The following NTM variants were observed in gnomAD, a reference collection of about 807,000 sequenced individuals.
NTM encodes neurotrimin.
NTM carries 13 observed loss-of-function variants against 42.1 expected under a neutral mutation model. The observed-to-expected ratio is 0.31, with a 90% CI of 0.20 to 0.49. The LOEUF (loss-of-function observed/expected upper bound fraction) is 0.49. Among genes scored for constraint, NTM ranks in the 20% least tolerant of loss-of-function variants. The probability of loss-of-function intolerance (pLI) is 0.99; values close to 1 mark genes in which losing one functional copy is unlikely to be tolerated. For synonymous variants in NTM, 187 were observed against 179.2 expected (o/e 1.04, Z -0.35); for missense variants, 373 against 452.8 (o/e 0.82, Z 1.60).
intron 2 of NTM, among the ~76,000 whole-genome samples, chr11:132,074,846 G>T (rs1160760693): frequency 6.6e-6 from 1 of 152,126 alleles, no homozygotes; most frequent in African/African-American, 2.4e-5. Context: ...TTAGAAGGAG[G>T]ATATTGAATG....
At chr11:132,289,383 T>C (rs2094374277) in intron 4 of NTM, among the ~76,000 whole-genome samples, 1 of 152,246 alleles carries the variant, frequency 6.6e-6, no homozygotes, top group South Asian at 2.1e-4. Context: ...TTTGGTGTAC[T>C]GTCCTGGGTG....
chr11:131,778,842 C>T (rs1354437428), intron 1 of NTM, among the ~76,000 whole-genome samples: 4 of 152,194 alleles, frequency 2.6e-5, no homozygotes. Context: ...ACTACTTGAT[C>T]TTTGAGTGAA....
At chr11:131,622,540 C>T (rs2137669643) in intron 1 of NTM, among the ~76,000 whole-genome samples, 1 of 152,188 alleles carries the variant, frequency 6.6e-6, no homozygotes, top group East Asian at 1.9e-4. Flanking sequence ...CTAAATTGAC[C>T]AGATTATTAA....
At chr11:131,985,498 C>T (rs997586187) in intron 2 of NTM, among the ~76,000 whole-genome samples, 3 of 152,166 alleles carry the variant, frequency 2.0e-5, no homozygotes, top group East Asian at 3.9e-4. Flanking sequence ...AGTGCAACAC[C>T]GTGCTACTGG....
intron 1 of NTM, among the ~76,000 whole-genome samples, chr11:131,493,331 C>T (rs887517540): frequency 2.0e-5 from 3 of 152,078 alleles, no homozygotes; most frequent in Admixed American, 6.6e-5. Context: ...GATCATGGAA[C>T]CATACATTAA....
chr11:131,619,035 T>C (rs142842526), intron 1 of NTM, among the ~76,000 whole-genome samples: 1,644 of 152,282 alleles, frequency 0.011, 9 homozygotes, highest in Non-Finnish European at 0.017. Context: ...TCGAGAGGTA[T>C]GCGAAAACAA....
At chr11:131,415,816 T>C (rs935284932) in intron 1 of NTM, among the ~76,000 whole-genome samples, 1 of 152,234 alleles carries the variant, frequency 6.6e-6, no homozygotes, top group Admixed American at 6.5e-5. Flanking sequence ...CATTAATTTA[T>C]AATTTTCTTA....
intron 3 of NTM, among the ~76,000 whole-genome samples, chr11:132,189,617 C>G (rs192361444): frequency 1.3e-5 from 2 of 151,356 alleles, no homozygotes; most frequent in Admixed American, 1.3e-4. Context: ...AATATAGTTG[C>G]CTTGCCCACT....
At chr11:131,583,005 T>C (rs1276550405) in intron 1 of NTM, among the ~76,000 whole-genome samples, 1 of 152,244 alleles carries the variant, frequency 6.6e-6, no homozygotes, top group Non-Finnish European at 1.5e-5. Flanking sequence ...CTCCGAATGC[T>C]GCTTGGATCT....
At chr11:131,822,600 C>T (rs2093236960) in intron 1 of NTM, among the ~76,000 whole-genome samples, 1 of 152,122 alleles carries the variant, frequency 6.6e-6, no homozygotes. Context: ...CTTGAATCAG[C>T]AACTGATAAG....
intron 2 of NTM, among the ~76,000 whole-genome samples, chr11:131,945,181 C>A (rs540006151): frequency 6.6e-6 from 1 of 152,334 alleles, no homozygotes; most frequent in South Asian, 2.1e-4. Context: ...CAATTTTTAG[C>A]TATTTGTGTA....
At chr11:132,048,355 C>T (rs1028066417) in intron 2 of NTM, among the ~76,000 whole-genome samples, 4 of 152,174 alleles carry the variant, frequency 2.6e-5, no homozygotes, top group Admixed American at 6.5e-5. Flanking sequence ...ATCTCTGGGT[C>T]CACACGATCA....
intron 1 of NTM, among the ~76,000 whole-genome samples, chr11:131,831,913 CA>C (rs2136546307): frequency 6.7e-6 from 1 of 148,182 alleles, no homozygotes; most frequent in South Asian, 2.1e-4. Flanking sequence ...TTAATTCTCC[CA>C]ACATTAATTT....
At position 131,653,917 on chromosome 11, in the gene NTM, C is replaced by T. The variant is rs140131975; in HGVS notation, c.83-257647C>T. Among the ~76,000 whole-genome samples, 1,436 of 152,316 alleles carry T rather than the reference C, an allele frequency of 9.4e-3. 24 individuals carry two copies. Among genetic ancestry groups the T allele is most frequent in the African/African-American group, 0.032 (1,336 of 41,552 alleles). Reference sequence around the variant, plus strand: ...CCTCCAGCCTTATCAGGAAGGTGGGCAGGTGCTCATTGAAGGTGTTTGCTC... The same window carrying T: ...CCTCCAGCCTTATCAGGAAGGTGGGTAGGTGCTCATTGAAGGTGTTTGCTC... On this transcript the variant is annotated intron_variant, in intron 1 of 8. Coordinates refer to ENST00000683400, the MANE Select transcript of NTM (RefSeq NM_001352005.2).
In NTM at chr11:132,146,820, G is replaced by T. The variant is rs1156767768; in HGVS notation, c.400+306G>T. 1.1e-5 allele frequency: 4 copies of T among 365,810 alleles called. No homozygotes were observed. The highest frequency in any genetic ancestry group is 4.3e-5 in the Admixed American group (1 of 23,004). The allele number at this position is 365,810 out of a possible 1,614,324, so 22.7% of individuals were successfully genotyped here. A position where few individuals can be genotyped will look rare whatever the true frequency, so the allele number is the denominator to read the frequency against. On this transcript the variant is annotated intron_variant, in intron 3 of 8. Coordinates refer to ENST00000683400, the MANE Select transcript of NTM (RefSeq NM_001352005.2). The surrounding 1 kb of genome is among the most constrained non-coding windows in gnomAD (Gnocchi z 4.5). ...AAGTTTTAGTTATTTTTGTTTGTTT[G>T]TTTTTTGTTTTGTTTTGTTTTGTTT...
intron 1 of NTM, among the ~76,000 whole-genome samples, chr11:131,751,655 G>A (rs1484946921): frequency 6.6e-6 from 1 of 151,846 alleles, no homozygotes; most frequent in Non-Finnish European, 1.5e-5. Context: ...AGCTACTCGA[G>A]AGGCTGAGGC....
intron 1 of NTM, among the ~76,000 whole-genome samples, chr11:131,480,911 T>G (rs757833208): frequency 6.6e-6 from 1 of 152,136 alleles, no homozygotes; most frequent in African/African-American, 2.4e-5. Context: ...AAAAATATTG[T>G]GGCCTTTGAA....
In NTM at chr11:131,386,548, T is replaced by C. The variant is rs553435248; in HGVS notation, c.82+15660T>C. 2.0e-5 allele frequency among the ~76,000 whole-genome samples: 3 copies of C among 152,356 alleles called. No individual in the cohort carries two copies. The East Asian group carries it at 5.8e-4, about 29-fold the overall frequency. On this transcript the variant is annotated intron_variant, in intron 1 of 8. Coordinates refer to ENST00000683400, the MANE Select transcript of NTM (RefSeq NM_001352005.2). ...GGTGTAGGAAGGAGGCAGGTAAATG[T>C]GTAAGCTTGGTGGCAGGAAGTTAAA...
At chr11:132,103,232 A>C (rs939383115) in intron 2 of NTM, among the ~76,000 whole-genome samples, 2 of 152,238 alleles carry the variant, frequency 1.3e-5, no homozygotes, top group African/African-American at 2.4e-5. Context: ...ACCAATTGGC[A>C]CATCGTCCCT....
Sources: allele counts gnomAD v4.1 joint callset (sites outside exome capture counted in the v4.1 genomes callset), GRCh38; gene constraint gnomAD v4.1.1; non-coding constraint Gnocchi (gnomAD v3.1); transcripts MANE v1.5; gene names NCBI Gene and HGNC (gene_info 2026-07-23, HGNC 2026-07-21).